Variants in OSTN observed in about 807,000 individuals in gnomAD.
OSTN encodes the protein osteocrin.
OSTN carries 9 observed loss-of-function variants against 12.0 expected under a neutral mutation model. The observed-to-expected ratio is 0.75, with a 90% CI of 0.45 to 1.30. The LOEUF (loss-of-function observed/expected upper bound fraction) is 1.30. OSTN is among the 50% of genes most tolerant of loss of function. The pLI is 0.00. For missense variants in OSTN, 148 were observed against 152.3 expected (o/e 0.97, Z 0.15); for synonymous variants, 59 against 56.9 (o/e 1.04, Z -0.16).
At chr3:191,247,043 T>C (rs976077248) in intron 3 of OSTN, among the ~76,000 whole-genome samples, 7 of 152,238 alleles carry the variant, frequency 4.6e-5, no homozygotes, top group Non-Finnish European at 8.8e-5. Flanking sequence ...CTGGAGATTA[T>C]GAAGTGGACA....
intron 1 of OSTN, among the ~76,000 whole-genome samples, chr3:191,211,479 C>T (rs1714414996): frequency 6.6e-6 from 1 of 152,114 alleles, no homozygotes; most frequent in South Asian, 2.1e-4. Flanking sequence ...ATACATGTTG[C>T]ATATAAACAT....
intron 3 of OSTN, among the ~76,000 whole-genome samples, chr3:191,243,631 C>T (rs1715369225): frequency 6.6e-6 from 1 of 152,046 alleles, no homozygotes; most frequent in Non-Finnish European, 1.5e-5. Flanking sequence ...TATATGTACA[C>T]ATTGTGAAAT....
At chr3:191,240,500 A>T (rs191260490) in intron 3 of OSTN, among the ~76,000 whole-genome samples, 2 of 152,292 alleles carry the variant, frequency 1.3e-5, no homozygotes, top group East Asian at 3.9e-4. Flanking sequence ...TGTGAATCTC[A>T]TGGTATTAGA....
At chr3:191,200,008 ATGT>A (rs1435947682) in intron 1 of OSTN, among the ~76,000 whole-genome samples, 1 of 152,168 alleles carries the variant, frequency 6.6e-6, no homozygotes, top group Non-Finnish European at 1.5e-5. Flanking sequence ...AACAATTCAA[ATGT>A]TGTTTCTTTG....
At chr3:191,230,473 G>A (rs1310502294) in intron 3 of OSTN, among the ~76,000 whole-genome samples, 1 of 146,548 alleles carries the variant, frequency 6.8e-6, no homozygotes, top group Admixed American at 7.0e-5. Context: ...CTGAGGCAGG[G>A]AAATCGCTTG....
intron 1 of OSTN, among the ~76,000 whole-genome samples, chr3:191,208,388 T>C (rs1469710211): frequency 2.0e-5 from 3 of 152,236 alleles, no homozygotes; most frequent in African/African-American, 7.2e-5. Flanking sequence ...TCAAATGTCT[T>C]TTGTATGGCA....
chr3:191,205,348 A>C (rs896093475), intron 1 of OSTN, among the ~76,000 whole-genome samples: 10 of 152,070 alleles, frequency 6.6e-5, no homozygotes, highest in African/African-American at 2.2e-4. Context: ...CATAATGCTG[A>C]ATATCTGTAT....
chr3:191,227,374 C>T (rs1714939337), intron 3 of OSTN, among the ~76,000 whole-genome samples: 2 of 152,050 alleles, frequency 1.3e-5, no homozygotes, highest in Admixed American at 6.6e-5. Flanking sequence ...GGCATTCCCA[C>T]GTGGTGCTGA....
intron 3 of OSTN, among the ~76,000 whole-genome samples, chr3:191,249,722 C>G (rs1294185891): frequency 6.6e-6 from 1 of 152,154 alleles, no homozygotes; most frequent in Non-Finnish European, 1.5e-5. Context: ...GGGATTTTCT[C>G]AAACTAAAGC....
At chr3:191,207,762 C>CT (rs1294074226) in intron 1 of OSTN, among the ~76,000 whole-genome samples, 1 of 152,194 alleles carries the variant, frequency 6.6e-6, no homozygotes, top group Admixed American at 6.5e-5. Flanking sequence ...AATTGGAACT[C>CT]TAACACCTCT....
intron 2 of OSTN, among the ~76,000 whole-genome samples, chr3:191,214,924 A>C (rs538987292): frequency 6.6e-6 from 1 of 152,292 alleles, no homozygotes; most frequent in Admixed American, 6.5e-5. Flanking sequence ...AGGCAGGAGA[A>C]TCACTTGATC....
At chr3:191,203,863 A>G (rs1317268607) in intron 1 of OSTN, among the ~76,000 whole-genome samples, 2 of 152,124 alleles carry the variant, frequency 1.3e-5, no homozygotes, top group Non-Finnish European at 2.9e-5. Flanking sequence ...AGAAATGGGA[A>G]GAACACATTC....
intron 4 of OSTN, among the ~76,000 whole-genome samples, chr3:191,256,589 A>T (rs893147434): frequency 4.0e-5 from 6 of 151,422 alleles, no homozygotes; most frequent in African/African-American, 1.5e-4. Flanking sequence ...TAAAGACAGC[A>T]TGAGGCAAAC....
At chr3:191,261,092 T>C (rs1168484150) in intron 4 of OSTN, among the ~76,000 whole-genome samples, 2 of 152,168 alleles carry the variant, frequency 1.3e-5, no homozygotes, top group Non-Finnish European at 2.9e-5. Flanking sequence ...AGATTAGGTC[T>C]TGGGTTCTCG....
chr3:191,211,581 C>T (rs978984795), intron 1 of OSTN, among the ~76,000 whole-genome samples: 6 of 152,044 alleles, frequency 3.9e-5, no homozygotes, highest in Non-Finnish European at 7.4e-5. Context: ...TGTAAAGCAT[C>T]CAATTTTCTC....
At chr3:191,258,083 C>T (rs778900040) in intron 4 of OSTN, among the ~76,000 whole-genome samples, 2 of 152,114 alleles carry the variant, frequency 1.3e-5, no homozygotes, top group South Asian at 4.1e-4. Flanking sequence ...ATCTGGAGTA[C>T]CCCTTCTGAG....
At chr3:191,245,350 C>T (rs1229146857) in intron 3 of OSTN, among the ~76,000 whole-genome samples, 1 of 148,330 alleles carries the variant, frequency 6.7e-6, no homozygotes, top group East Asian at 1.9e-4. Flanking sequence ...TATCACTTAA[C>T]AAATAAGTTT....
intron 4 of OSTN, among the ~76,000 whole-genome samples, chr3:191,260,401 G>A (rs898948186): frequency 2.6e-5 from 4 of 151,802 alleles, no homozygotes; most frequent in African/African-American, 4.8e-5. Flanking sequence ...TCTCACTCCC[G>A]GAAACAGGCT....
chr3:191,222,898 G>T (rs1714805573), intron 3 of OSTN, among the ~76,000 whole-genome samples: 1 of 152,014 alleles, frequency 6.6e-6, no homozygotes, highest in Admixed American at 6.6e-5. Flanking sequence ...CCTCCCTTTT[G>T]CTCTGCACTT....
Sources: allele counts gnomAD v4.1 joint callset (sites outside exome capture counted in the v4.1 genomes callset), GRCh38; gene constraint gnomAD v4.1.1; transcripts MANE v1.5; gene names NCBI Gene and HGNC (gene_info 2026-07-23, HGNC 2026-07-21).